The following CD82 variants were observed in gnomAD, a reference collection of about 807,000 sequenced individuals.
CD82 encodes the protein CD82 antigen.
In CD82, 36 loss-of-function variants were observed where a neutral mutation model predicts 37.4. The ratio of observed to expected loss-of-function variants is 0.96; its 90% CI spans 0.74 to 1.27. The LOEUF is 1.27. Among genes scored for constraint, CD82 ranks in the 50% most tolerant of loss-of-function variants. CD82 has a pLI of 0.00. For synonymous variants in CD82, 158 were observed against 137.4 expected (o/e 1.15, Z -1.05); for missense variants, 340 against 347.0 (o/e 0.98, Z 0.16).
At chr11:44,593,293 C>T (rs1487312120) in intron 2 of CD82, among the ~76,000 whole-genome samples, 1 of 152,260 alleles carries the variant, frequency 6.6e-6, no homozygotes, top group Non-Finnish European at 1.5e-5. Context: ...TGCTCTGTGG[C>T]CTGCCCTTCC....
At chr11:44,569,319 G>C (rs982606739) in intron 1 of CD82, among the ~76,000 whole-genome samples, 17 of 152,126 alleles carry the variant, frequency 1.1e-4, no homozygotes, top group African/African-American at 3.9e-4. Context: ...TCGGAGGCTG[G>C]CTGGTTCCTG....
At chr11:44,618,802 G>GAGCCCAGCCT (rs1853610926) in intron 9 of CD82, 79 bp downstream of exon 9, 17 of 1,300,866 alleles carry the variant, frequency 1.3e-5, no homozygotes, top group Middle Eastern at 3.7e-4. Context: ...CCTTGGGGAG[G>GAGCCCAGCCT]TGGTGGCCAA....
At chr11:44,582,433 T>C (rs1165055440) in intron 1 of CD82, among the ~76,000 whole-genome samples, 2 of 152,212 alleles carry the variant, frequency 1.3e-5, no homozygotes, top group Non-Finnish European at 2.9e-5. Context: ...CCTCTGCCTC[T>C]GTCATGCTTA....
Position 44,597,651 on chromosome 11 carries a change from A to G in CD82, c.64-2507A>G, listed in dbSNP as rs1422808802. Among the ~76,000 whole-genome samples the G allele has an allele frequency of 6.6e-6, 1 of 152,206 alleles. No individual in the cohort carries two copies. Among genetic ancestry groups the G allele is most frequent in the Non-Finnish European group, 1.5e-5 (1 of 68,032 alleles). ...TGATCTACTTGGGATTATGTGTGCC[A>G]AGAGGGGATTTTCTGTCCTGCCTCC... On this transcript the variant is annotated intron_variant, in intron 3 of 9. Transcript: ENST00000227155. This position sits in a 1 kb window ranked among gnomAD's most constrained non-coding sequence, Gnocchi z 4.1.
At chr11:44,567,962 G>T (rs1852760992) in intron 1 of CD82, among the ~76,000 whole-genome samples, 1 of 152,250 alleles carries the variant, frequency 6.6e-6, no homozygotes, top group Non-Finnish European at 1.5e-5. Context: ...AAACCTCTAG[G>T]TTGCTCATTC....
At chr11:44,585,496 C>T (rs892835923) in intron 1 of CD82, among the ~76,000 whole-genome samples, 8 of 152,204 alleles carry the variant, frequency 5.3e-5, no homozygotes, top group Non-Finnish European at 1.0e-4. Flanking sequence ...AGGAGAGGGC[C>T]AGGCACCAGC....
At chr11:44,582,271 G>A (rs79262220) in intron 1 of CD82, among the ~76,000 whole-genome samples, 2,383 of 152,298 alleles carry the variant, frequency 0.016, 52 homozygotes, top group African/African-American at 0.053. Context: ...TTGCTCCTAG[G>A]TCTTTCCTCT....
intron 2 of CD82, among the ~76,000 whole-genome samples, chr11:44,588,081 G>A (rs1853083584): frequency 6.6e-6 from 1 of 152,140 alleles, no homozygotes; most frequent in South Asian, 2.1e-4. Context: ...CAGGGGAAAG[G>A]GACAGGTAAG....
chr11:44,571,936 G>A (rs536501645), intron 1 of CD82, among the ~76,000 whole-genome samples: 4 of 152,176 alleles, frequency 2.6e-5, no homozygotes, highest in Admixed American at 6.5e-5. Context: ...TGGAGATCAG[G>A]GGACCTGGGC....
intron 1 of CD82, among the ~76,000 whole-genome samples, chr11:44,570,104 C>T (rs912626919): frequency 4.6e-5 from 7 of 152,222 alleles, no homozygotes; most frequent in Non-Finnish European, 7.3e-5. Context: ...CTGTGCCTCT[C>T]CAATATGTGT....
At chr11:44,596,530 C>T (rs1018366541) in intron 3 of CD82, among the ~76,000 whole-genome samples, 4 of 152,168 alleles carry the variant, frequency 2.6e-5, no homozygotes, top group African/African-American at 9.7e-5. Context: ...CCCTTTCTGT[C>T]CTGCTCGCAA....
At chr11:44,604,413 T>G (rs1182671350) in intron 4 of CD82, 1 of 157,438 alleles carries the variant, frequency 6.4e-6, no homozygotes, top group Non-Finnish European at 1.4e-5. Context: ...GAGCCTCATT[T>G]TTTTCTTCTG....
intron 1 of CD82, among the ~76,000 whole-genome samples, chr11:44,567,173 G>A (rs1047085270): frequency 1.3e-4 from 20 of 152,162 alleles, no homozygotes; most frequent in Non-Finnish European, 2.9e-4. Flanking sequence ...CTGGAATCCA[G>A]CTATACCATT....
intron 1 of CD82, among the ~76,000 whole-genome samples, chr11:44,571,287 T>C (rs1483214666): frequency 6.6e-6 from 1 of 152,130 alleles, no homozygotes; most frequent in African/African-American, 2.4e-5. Flanking sequence ...CCAGCTGGGC[T>C]TGGGCCTGGG....
upstream of CD82, among the ~76,000 whole-genome samples, chr11:44,565,119 G>A (rs1164517918): frequency 2.0e-5 from 3 of 152,240 alleles, no homozygotes; most frequent in East Asian, 5.8e-4. Flanking sequence ...GCCCTGGAAT[G>A]CCAGCGTGGG....
intron 6 of CD82, among the ~76,000 whole-genome samples, chr11:44,611,810 C>T (rs566852762): frequency 6.6e-6 from 1 of 152,360 alleles, no homozygotes; most frequent in South Asian, 2.1e-4. Context: ...CCCTCAACCA[C>T]ATTCTGGACT....
intron 3 of CD82, among the ~76,000 whole-genome samples, chr11:44,595,687 A>C (rs918736095): frequency 6.6e-6 from 1 of 152,096 alleles, no homozygotes; most frequent in African/African-American, 2.4e-5. Flanking sequence ...TCTACGGTAG[A>C]TATTAATTAC....
At chr11:44,584,825 C>T (rs1853030234) in intron 1 of CD82, among the ~76,000 whole-genome samples, 1 of 152,220 alleles carries the variant, frequency 6.6e-6, no homozygotes, top group Non-Finnish European at 1.5e-5. Context: ...AAAACAAACA[C>T]AGCCGTCTGT....
chr11:44,576,008 G>A (rs1033875560), intron 1 of CD82, among the ~76,000 whole-genome samples: 13 of 152,196 alleles, frequency 8.5e-5, no homozygotes, highest in Admixed American at 1.3e-4. Flanking sequence ...ACACTGCACC[G>A]GCCCCAAGTG....
Sources: gnomAD v4.1 joint callset for allele counts (sites outside exome capture counted in the v4.1 genomes callset) on GRCh38, gnomAD v4.1.1 for gene constraint, Gnocchi (gnomAD v3.1) non-coding constraint, MANE v1.5 for transcripts, NCBI Gene and HGNC (gene_info 2026-07-23, HGNC 2026-07-21) for gene names.